The following STK3 variants were observed in gnomAD, a reference collection of about 807,000 sequenced individuals.
STK3 encodes the protein serine/threonine-protein kinase 3.
A neutral mutation model predicts 58.0 loss-of-function variants in STK3; 41 were observed. That is an observed-to-expected ratio of 0.71 (90% CI 0.55 to 0.92). The LOEUF is 0.92. Among genes scored for constraint, STK3 ranks in the 40% least tolerant of loss-of-function variants. STK3 has a pLI of 0.00. For missense variants in STK3, 479 were observed against 602.7 expected (o/e 0.79, Z 2.15); for synonymous variants, 170 against 191.0 (o/e 0.89, Z 0.91).
intron 4 of STK3, among the ~76,000 whole-genome samples, chr8:98,739,920 G>A (rs201993645): frequency 9.9e-5 from 15 of 151,726 alleles, no homozygotes; most frequent in East Asian, 1.9e-4. Context: ...GGAGCTGAAA[G>A]CCAAGGCTCG....
chr8:98,855,052 G>A (rs1836618216), intron 3 of STK3, among the ~76,000 whole-genome samples: 1 of 151,868 alleles, frequency 6.6e-6, no homozygotes, highest in South Asian at 2.1e-4. Context: ...GTGAGACGCT[G>A]TCTCAAAACA....
rs140491202 is a variant in STK3 at position 98,878,299 on chromosome 8, C to T, written c.110+5348G>A. Among the ~76,000 whole-genome samples, 27 of 152,252 alleles carry T rather than the reference C, an allele frequency of 1.8e-4. No individual in the cohort carries two copies. The East Asian group carries it at 4.8e-3, about 27-fold the overall frequency. On this transcript the variant is annotated intron_variant, in intron 3 of 12. Coordinates refer to the STK3 transcript ENST00000523601. ...AACTCCTGGCCTCAAGTGATCCACC[C>T]GCCTCTGCCTCCTGTCAGATATGAG...
At chr8:98,430,699 G>A (rs921412880) in intron 3 of STK3, 13 of 167,108 alleles carry the variant, frequency 7.8e-5, no homozygotes, top group African/African-American at 3.1e-4. Context: ...AAACACTGCA[G>A]TTCTTACTTG....
chr8:98,660,940 A>AGCCTCTTTGAAAATAAG, intron 6 of STK3, among the ~76,000 whole-genome samples: 1 of 152,116 alleles, frequency 6.6e-6, no homozygotes, highest in African/African-American at 2.4e-5. Context: ...CACTGCTAGC[A>AGCCTCTTTGAAAATAAG]GACCTGCCCT....
intron 3 of STK3, among the ~76,000 whole-genome samples, chr8:98,874,534 G>A (rs1837494543): frequency 6.6e-6 from 1 of 151,976 alleles, no homozygotes; most frequent in African/African-American, 2.4e-5. Context: ...GGATAGTCTT[G>A]TTTCATTGTT....
At chr8:98,389,467 C>T (rs780371880), upstream of STK3, among the ~76,000 whole-genome samples, 1 of 152,166 alleles carries the variant, frequency 6.6e-6, no homozygotes, top group African/African-American at 2.4e-5. Flanking sequence ...GAACTCTTAA[C>T]AGTCACGAAA....
chr8:98,539,665 C>G (rs1254479945), intron 9 of STK3, among the ~76,000 whole-genome samples: 10 of 152,126 alleles, frequency 6.6e-5, no homozygotes, highest in South Asian at 2.1e-4. Flanking sequence ...TATTATTTAA[C>G]CCAGTATTTA....
At chr8:98,628,478 G>A (rs886984746) in intron 6 of STK3, among the ~76,000 whole-genome samples, 1 of 152,020 alleles carries the variant, frequency 6.6e-6, no homozygotes, top group Non-Finnish European at 1.5e-5. Context: ...CACAAAGCAG[G>A]TGTTTCATAA....
At chr8:98,563,052 G>C (rs1812187327) in intron 8 of STK3, among the ~76,000 whole-genome samples, 1 of 150,628 alleles carries the variant, frequency 6.6e-6, no homozygotes, top group African/African-American at 2.4e-5. Context: ...AAAATATATT[G>C]AAACAAATTC....
chr8:98,671,553 T>C (rs747240049), intron 6 of STK3, among the ~76,000 whole-genome samples: 5 of 152,116 alleles, frequency 3.3e-5, no homozygotes, highest in East Asian at 3.9e-4. Flanking sequence ...GGTTTTTGTA[T>C]ATAAATTTTT....
chr8:98,895,773 C>A (rs1054686964), intron 1 of STK3, among the ~76,000 whole-genome samples: 1 of 152,110 alleles, frequency 6.6e-6, no homozygotes, highest in East Asian at 1.9e-4. Flanking sequence ...TACCTCTGAT[C>A]TTTCAGGTAT....
the STK3 span, among the ~76,000 whole-genome samples, chr8:98,352,976 G>A: frequency 6.6e-6 from 1 of 152,282 alleles, no homozygotes; most frequent in East Asian, 1.9e-4. Context: ...ATGAATAAGT[G>A]TGGGAAAATG....
downstream of STK3, among the ~76,000 whole-genome samples, chr8:98,366,905 T>C (rs1215040219): frequency 6.6e-6 from 1 of 152,224 alleles, no homozygotes; most frequent in African/African-American, 2.4e-5. Flanking sequence ...CAACTACACA[T>C]GCATTATTCA....
At chr8:98,529,819 A>G (rs972634124) in intron 9 of STK3, among the ~76,000 whole-genome samples, 3 of 152,230 alleles carry the variant, frequency 2.0e-5, no homozygotes, top group African/African-American at 7.2e-5. Context: ...TATTTAGAGT[A>G]GTCAACATCA....
intron 10 of STK3, among the ~76,000 whole-genome samples, chr8:98,496,525 C>A (rs1352282511): frequency 6.6e-6 from 1 of 152,022 alleles, no homozygotes; most frequent in Non-Finnish European, 1.5e-5. Context: ...CAATGCAATC[C>A]CTATGGAATC....
At chr8:98,685,795 G>C (rs561594057) in intron 6 of STK3, among the ~76,000 whole-genome samples, 3 of 151,886 alleles carry the variant, frequency 2.0e-5, no homozygotes, top group Non-Finnish European at 2.9e-5. Context: ...AGGTAGAGAG[G>C]GGGGTGAGGG....
chr8:98,472,989 A>T (rs1383303142), intron 10 of STK3, among the ~76,000 whole-genome samples: 1 of 152,166 alleles, frequency 6.6e-6, no homozygotes, highest in African/African-American at 2.4e-5. Context: ...AGCACTCAGC[A>T]TTTTTGTAAT....
chr8:98,739,033 T>C (rs924353293), intron 4 of STK3, among the ~76,000 whole-genome samples: 4 of 152,158 alleles, frequency 2.6e-5, no homozygotes, highest in African/African-American at 9.7e-5. Flanking sequence ...GCGGCGAGGC[T>C]GGGGGAGGGG....
chr8:98,460,108 C>T (rs536715144), intron 10 of STK3, among the ~76,000 whole-genome samples: 1 of 152,328 alleles, frequency 6.6e-6, no homozygotes, highest in East Asian at 1.9e-4. Flanking sequence ...CCTGTGAAAG[C>T]AGCTGAGAGG....
Sources: allele counts gnomAD v4.1 joint callset (sites outside exome capture counted in the v4.1 genomes callset), GRCh38; gene constraint gnomAD v4.1.1; transcripts MANE v1.5; gene names NCBI Gene and HGNC (gene_info 2026-07-23, HGNC 2026-07-21).